The following LRRC56 variants were observed in gnomAD, a reference collection of about 807,000 sequenced individuals.
LRRC56 encodes leucine-rich repeat-containing protein 56.
In LRRC56, 41 loss-of-function variants were observed where a neutral mutation model predicts 47.8. The observed-to-expected ratio is 0.86, with a 90% CI of 0.67 to 1.11. The LOEUF (loss-of-function observed/expected upper bound fraction) is 1.11, where lower values mean the gene tolerates loss of function less well. LRRC56 is among the 50% of genes most tolerant of loss of function. LRRC56 has a pLI of 0.00. For synonymous variants in LRRC56, 387 were observed against 311.2 expected (o/e 1.24, Z -2.56); for missense variants, 759 against 704.2 (o/e 1.08, Z -0.88).
chr11:518,940 C>A, the LRRC56 span, among the ~76,000 whole-genome samples: 1 of 151,832 alleles, frequency 6.6e-6, no homozygotes, highest in Non-Finnish European at 1.5e-5. Context: ...CCTGGAAACC[C>A]CGCCCCCAAA....
Position 550,008 on chromosome 11 carries a change from G to T in LRRC56, c.423+10G>T, listed in dbSNP as rs1293187500. On this transcript the variant is annotated intron_variant, in intron 7 of 13. Coordinates refer to ENST00000270115, the MANE Select transcript of LRRC56 (RefSeq NM_198075.4). ...TTTGCCAGCACTTAAGGTGAGTCTG[G>T]GCACCCTGGGCTGGGGAGGCCTGGG... is the stretch of plus-strand genomic sequence containing the variant. 4.3e-6 allele frequency: 7 copies of T among 1,612,412 alleles called. No individual in the cohort carries two copies. The highest frequency in any genetic ancestry group is 5.9e-6 in the Non-Finnish European group (7 of 1,179,470).
At chr11:528,313 C>T in the LRRC56 span, among the ~76,000 whole-genome samples, 7 of 152,190 alleles carry the variant, frequency 4.6e-5, no homozygotes, top group African/African-American at 1.7e-4. Flanking sequence ...AGGCGGCGCC[C>T]GGGACAGAAG....
the LRRC56 span, among the ~76,000 whole-genome samples, chr11:520,862 C>T: frequency 6.6e-6 from 1 of 152,150 alleles, no homozygotes; most frequent in African/African-American, 2.4e-5. Context: ...AATTTGGAAA[C>T]GCTGCACAAT....
At position 540,718 on chromosome 11, in the gene LRRC56, C is replaced by T. The variant is rs758355320; in HGVS notation, c.34C>T (p.Arg12Trp). The change falls in exon 4 of 14, where the codon CGG becomes TGG. Residue 12 changes from arginine (R) to tryptophan (W), a missense_variant. Coordinates refer to ENST00000270115, the MANE Select transcript of LRRC56 (RefSeq NM_198075.4). ...DLGWDRSRGP[R>W]RSTSSVRVRE... ...GGGCTGGGACAGATCCCGTGGGCCT[C>T]GGCGGAGCACCTCCAGCGTCCGGGT... 1.9e-5 allele frequency: 30 copies of T among 1,612,552 alleles called. No individual in the cohort carries two copies. The highest frequency in any genetic ancestry group is 1.6e-4 in the Middle Eastern group (1 of 6,064).
At chr11:522,953 T>A in the LRRC56 span, among the ~76,000 whole-genome samples, 1 of 152,216 alleles carries the variant, frequency 6.6e-6, no homozygotes, top group African/African-American at 2.4e-5. Context: ...TTCACCATGT[T>A]GGCCAAGCTG....
intron 6 of LRRC56, 90 bp downstream of exon 6, chr11:544,870 AG>A (rs1246215110): frequency 1.5e-6 from 1 of 679,900 alleles, no homozygotes; most frequent in East Asian, 4.2e-5. Context: ...ACTTGGTGGG[AG>A]TGGGGGGACT....
At chr11:536,414 C>G (rs933696472), upstream of LRRC56, among the ~76,000 whole-genome samples, 1 of 152,188 alleles carries the variant, frequency 6.6e-6, no homozygotes, top group East Asian at 1.9e-4. Flanking sequence ...CTTTCAAACC[C>G]AAAAAGACAT....
chr11:551,187 G>C lies in LRRC56; in HGVS notation c.681G>C (p.Gln227His). 6.5e-7 allele frequency: 1 copy of C among 1,544,942 alleles called. No individual in the cohort carries two copies. Among genetic ancestry groups the C allele is most frequent in the Non-Finnish European group, 8.7e-7 (1 of 1,143,576 alleles). Residue 227 changes from glutamine to histidine, a missense_variant, in exon 9 of 14, where the codon CAG (glutamine) becomes CAC (histidine). Coordinates refer to ENST00000270115, the MANE Select transcript of LRRC56 (RefSeq NM_198075.4). ...TGAGGAAGCTCATTCCCCAGCTGCA[G>C]GTCCTGGACGAAGTGCCGGCCGCAC... The part of the protein sequence containing the change: ...AEVRKLIPQL[Q>H]VLDEVPAAHT...
At chr11:532,634 C>G (rs1017276958), upstream of LRRC56, 2 of 1,610,716 alleles carry the variant, frequency 1.2e-6, no homozygotes, top group Non-Finnish European at 1.7e-6. Flanking sequence ...CCCTCACCTG[C>G]GTCAGGAGAG....
intron 6 of LRRC56, among the ~76,000 whole-genome samples, chr11:545,851 G>T (rs1658599128): frequency 6.6e-6 from 1 of 152,234 alleles, no homozygotes; most frequent in African/African-American, 2.4e-5. Flanking sequence ...ACATTCTCCA[G>T]CTGTGTGAAT....
At chr11:515,667 G>A in the LRRC56 span, among the ~76,000 whole-genome samples, 11 of 152,090 alleles carry the variant, frequency 7.2e-5, no homozygotes, top group South Asian at 4.2e-4. Flanking sequence ...GTGAAACCCC[G>A]TCTCTACTAA....
chr11:509,784 C>T, the LRRC56 span, among the ~76,000 whole-genome samples: 6 of 147,504 alleles, frequency 4.1e-5, no homozygotes, highest in African/African-American at 1.3e-4. Flanking sequence ...AGGATGGTCT[C>T]GAGCTCCTGA....
the LRRC56 span, among the ~76,000 whole-genome samples, chr11:520,726 C>T: frequency 6.6e-6 from 1 of 152,152 alleles, no homozygotes; most frequent in African/African-American, 2.4e-5. Context: ...TCGCCCTCTC[C>T]CCTCCATCCA....
upstream of LRRC56, chr11:534,423 C>T: frequency 2.2e-6 from 2 of 906,560 alleles, no homozygotes; most frequent in East Asian, 2.6e-5. Flanking sequence ...AGCCCCAGGC[C>T]CCACAGGGCA....
In LRRC56 at chr11:539,897, C is replaced by T. The variant is rs994083912; in HGVS notation, c.-12+171C>T. 2.6e-5 allele frequency among the ~76,000 whole-genome samples: 4 copies of T among 152,238 alleles called. No homozygotes were observed. In the East Asian group the frequency reaches 7.7e-4, roughly 29 times the overall value. On this transcript the variant is annotated intron_variant, in intron 3 of 13. Transcript: ENST00000270115. ...AGGGAAGTGGGATTTGGATGAGCAG[C>T]AGGCATTGTGTTGGGGGACCCAGAG...
chr11:516,405 A>C, the LRRC56 span, among the ~76,000 whole-genome samples: 2 of 151,880 alleles, frequency 1.3e-5, no homozygotes, highest in South Asian at 2.1e-4. Context: ...AAAAAAAAAA[A>C]CCCAAATCTT....
At chr11:542,593 A>AAAAAAAAAAAAAAC (rs1851853136) in intron 5 of LRRC56, among the ~76,000 whole-genome samples, 3 of 149,170 alleles carry the variant, frequency 2.0e-5, no homozygotes, top group African/African-American at 7.5e-5. Context: ...AAAAAAAAAA[A>AAAAAAAAAAAAAAC]AAAAAAAAAA....
the LRRC56 span, among the ~76,000 whole-genome samples, chr11:511,597 A>T: frequency 6.6e-6 from 1 of 152,250 alleles, no homozygotes; most frequent in Admixed American, 6.5e-5. Flanking sequence ...AGGGTTCTTC[A>T]CTGCAAGTGA....
At chr11:532,079 G>A in the LRRC56 span, among the ~76,000 whole-genome samples, 2 of 152,198 alleles carry the variant, frequency 1.3e-5, no homozygotes, top group African/African-American at 2.4e-5. Flanking sequence ...CACTGGGGCA[G>A]GCGGGAGGAG....
Sources: gnomAD v4.1 joint callset for allele counts (sites outside exome capture counted in the v4.1 genomes callset) on GRCh38, gnomAD v4.1.1 for gene constraint, MANE v1.5 for transcripts, NCBI Gene and HGNC (gene_info 2026-07-23, HGNC 2026-07-21) for gene names.